Variants in TNIP3 observed in about 807,000 individuals in gnomAD.
TNIP3 encodes TNFAIP3 interacting protein 3.
A neutral mutation model predicts 54.1 loss-of-function variants in TNIP3; 34 were observed. That is an observed-to-expected ratio of 0.63 (90% CI 0.48 to 0.84). TNIP3 has a LOEUF of 0.84. Ranked by LOEUF, TNIP3 falls within the 40% of genes least tolerant of loss-of-function variation. TNIP3 has a pLI of 0.00. For synonymous variants in TNIP3, 134 were observed against 136.8 expected (o/e 0.98, Z 0.14); for missense variants, 366 against 387.6 (o/e 0.94, Z 0.47).
intron 3 of TNIP3, among the ~76,000 whole-genome samples, chr4:121,177,036 A>G (rs919091886): frequency 3.3e-5 from 5 of 152,204 alleles, no homozygotes; most frequent in African/African-American, 1.2e-4. Context: ...GTCTGCTTAA[A>G]ATTTGGGCAT....
chr4:121,180,845 A>T (rs988784822), intron 3 of TNIP3, among the ~76,000 whole-genome samples: 1 of 152,178 alleles, frequency 6.6e-6, no homozygotes, highest in Non-Finnish European at 1.5e-5. Flanking sequence ...CCTACCTTCC[A>T]ATAGTCATTT....
At chr4:121,216,914 GCTTT>G (rs1374981091), upstream of TNIP3, among the ~76,000 whole-genome samples, 4 of 152,122 alleles carry the variant, frequency 2.6e-5, no homozygotes, top group Non-Finnish European at 4.4e-5. Context: ...GACACCAGCA[GCTTT>G]CTTCTAGGAA....
chr4:121,148,041 A>G (rs1433180782), intron 6 of TNIP3, among the ~76,000 whole-genome samples: 1 of 152,188 alleles, frequency 6.6e-6, no homozygotes, highest in African/African-American at 2.4e-5. Flanking sequence ...TGACATTTTG[A>G]TGATTTTTTT....
intron 3 of TNIP3, among the ~76,000 whole-genome samples, chr4:121,173,144 A>T (rs1421549176): frequency 1.3e-5 from 2 of 152,174 alleles, no homozygotes; most frequent in Admixed American, 6.5e-5. Flanking sequence ...CTGTGTGGGT[A>T]GACGTAAATA....
upstream of TNIP3, among the ~76,000 whole-genome samples, chr4:121,167,097 A>T (rs1289372038): frequency 2.0e-5 from 3 of 152,170 alleles, no homozygotes; most frequent in Non-Finnish European, 4.4e-5. Flanking sequence ...CAATCAAATT[A>T]TTTATGAAAC....
At chr4:121,133,750 C>T (rs1019219730) in intron 10 of TNIP3, among the ~76,000 whole-genome samples, 3 of 152,218 alleles carry the variant, frequency 2.0e-5, no homozygotes, top group East Asian at 1.9e-4. Context: ...CCTAAATGTA[C>T]AGTGAAGGTG....
intron 2 of TNIP3, among the ~76,000 whole-genome samples, chr4:121,160,058 A>G (rs1021356397): frequency 6.6e-6 from 1 of 152,224 alleles, no homozygotes; most frequent in Non-Finnish European, 1.5e-5. Flanking sequence ...TGTGTATACT[A>G]TAGTAACATT....
At chr4:121,213,523 G>A (rs1022368818) in intron 2 of TNIP3, among the ~76,000 whole-genome samples, 5 of 152,054 alleles carry the variant, frequency 3.3e-5, no homozygotes, top group African/African-American at 4.8e-5. Flanking sequence ...TCAGGAGATC[G>A]AGACCATTCT....
At chr4:121,143,551 C>A (rs983767115) in intron 7 of TNIP3, among the ~76,000 whole-genome samples, 3 of 152,128 alleles carry the variant, frequency 2.0e-5, no homozygotes, top group Non-Finnish European at 2.9e-5. Context: ...ATTTTTTAGA[C>A]CAATGTGTAC....
At chr4:121,143,825 C>T (rs1729268711) in intron 7 of TNIP3, among the ~76,000 whole-genome samples, 2 of 152,138 alleles carry the variant, frequency 1.3e-5, no homozygotes, top group African/African-American at 4.8e-5. Flanking sequence ...CTTAATGAAG[C>T]TTCTCTAACA....
upstream of TNIP3, among the ~76,000 whole-genome samples, chr4:121,218,519 T>A (rs947921983): frequency 6.6e-6 from 1 of 151,142 alleles, no homozygotes; most frequent in African/African-American, 2.5e-5. Flanking sequence ...TTTATTTTCC[T>A]TCCTTCCTCC....
chr4:121,153,178 C>T (rs1017418619), intron 5 of TNIP3, among the ~76,000 whole-genome samples: 7 of 151,882 alleles, frequency 4.6e-5, no homozygotes, highest in African/African-American at 7.3e-5. Context: ...TGTAAAATTT[C>T]GTGTAGAATT....
At chr4:121,193,248 T>C (rs1167881003) in intron 2 of TNIP3, among the ~76,000 whole-genome samples, 1 of 152,276 alleles carries the variant, frequency 6.6e-6, no homozygotes, top group South Asian at 2.1e-4. Flanking sequence ...ATTGCAATAA[T>C]TCATATTCAT....
At chr4:121,203,571 A>G (rs1015618408) in intron 2 of TNIP3, among the ~76,000 whole-genome samples, 2 of 152,146 alleles carry the variant, frequency 1.3e-5, no homozygotes, top group Non-Finnish European at 2.9e-5. Context: ...TTGAAGAATT[A>G]CTCATATAAC....
intron 3 of TNIP3, among the ~76,000 whole-genome samples, chr4:121,181,646 T>C (rs943228376): frequency 1.3e-5 from 2 of 151,834 alleles, no homozygotes; most frequent in Admixed American, 6.6e-5. Flanking sequence ...TGTGTGTGTG[T>C]GTGTGTGTGT....
At chr4:121,198,010 A>C (rs1001220470) in intron 2 of TNIP3, among the ~76,000 whole-genome samples, 1 of 152,248 alleles carries the variant, frequency 6.6e-6, no homozygotes, top group Non-Finnish European at 1.5e-5. Flanking sequence ...ATATTGAGTA[A>C]CTATGAAAAT....
At chr4:121,210,192 G>GA (rs1452872108) in intron 2 of TNIP3, among the ~76,000 whole-genome samples, 2 of 152,086 alleles carry the variant, frequency 1.3e-5, no homozygotes, top group Non-Finnish European at 2.9e-5. Context: ...GCCCATGGAT[G>GA]AAAAGGTATT....
intron 1 of TNIP3, among the ~76,000 whole-genome samples, chr4:121,227,141 G>A (rs1049667025): frequency 5.3e-5 from 8 of 152,018 alleles, no homozygotes; most frequent in Admixed American, 2.0e-4. Flanking sequence ...ACTAACAAAA[G>A]CTGTAAAATA....
At chr4:121,179,402 C>A (rs574798586) in intron 3 of TNIP3, among the ~76,000 whole-genome samples, 1 of 152,258 alleles carries the variant, frequency 6.6e-6, no homozygotes, top group African/African-American at 2.4e-5. Context: ...AAAATATTTA[C>A]CCCAATAGGT....
Sources: allele counts gnomAD v4.1 joint callset (sites outside exome capture counted in the v4.1 genomes callset), GRCh38; gene constraint gnomAD v4.1.1; transcripts MANE v1.5; gene names NCBI Gene and HGNC (gene_info 2026-07-23, HGNC 2026-07-21).